The following STXBP5L variants were observed in gnomAD, a reference collection of about 807,000 sequenced individuals.
The protein encoded by STXBP5L is syntaxin binding protein 5L.
A neutral mutation model predicts 144.5 loss-of-function variants in STXBP5L; 65 were observed. That is an observed-to-expected ratio of 0.45 (90% CI 0.37 to 0.55). The LOEUF (loss-of-function observed/expected upper bound fraction) is 0.55. Ranked by LOEUF, STXBP5L falls within the 20% of genes least tolerant of loss-of-function variation. The pLI is 0.00. For missense variants in STXBP5L, 1,298 were observed against 1,405.5 expected (o/e 0.92, Z 1.22); for synonymous variants, 505 against 469.6 (o/e 1.08, Z -0.97).
chr3:121,015,851 A>T (rs1945108526), intron 3 of STXBP5L, among the ~76,000 whole-genome samples: 1 of 152,172 alleles, frequency 6.6e-6, no homozygotes, highest in South Asian at 2.1e-4. Context: ...TTACAACTGG[A>T]GAAACACTTG....
At chr3:121,191,966 G>A (rs752031769) in intron 9 of STXBP5L, among the ~76,000 whole-genome samples, 32 of 152,066 alleles carry the variant, frequency 2.1e-4, no homozygotes, top group Non-Finnish European at 3.7e-4. Flanking sequence ...GATGGGGGGA[G>A]GGATAGCATT....
At chr3:121,159,377 A>G (rs1374870220) in intron 9 of STXBP5L, among the ~76,000 whole-genome samples, 1 of 151,978 alleles carries the variant, frequency 6.6e-6, no homozygotes, top group Non-Finnish European at 1.5e-5. Context: ...TATGTTGCCC[A>G]GGCTGGTCCT....
At chr3:121,382,810 A>G (rs995184312) in intron 22 of STXBP5L, among the ~76,000 whole-genome samples, 5 of 152,170 alleles carry the variant, frequency 3.3e-5, no homozygotes, top group African/African-American at 1.2e-4. Flanking sequence ...TAGCACATAT[A>G]CTTAGACCAA....
At chr3:121,209,516 T>C (rs1244197346) in intron 10 of STXBP5L, among the ~76,000 whole-genome samples, 4 of 152,178 alleles carry the variant, frequency 2.6e-5, no homozygotes, top group Admixed American at 1.3e-4. Flanking sequence ...ATGTGCCATG[T>C]TGGTGTGCTG....
chr3:121,079,668 A>G (rs769467154), intron 5 of STXBP5L, among the ~76,000 whole-genome samples: 3 of 152,072 alleles, frequency 2.0e-5, no homozygotes, highest in Non-Finnish European at 4.4e-5. Context: ...TTCCAGTTTT[A>G]TTGCATTGTG....
intron 20 of STXBP5L, among the ~76,000 whole-genome samples, chr3:121,354,743 G>A (rs1400391482): frequency 3.9e-5 from 6 of 152,144 alleles, no homozygotes; most frequent in Non-Finnish European, 7.4e-5. Flanking sequence ...TATGATGTTA[G>A]CTGGTTATTT....
chr3:120,931,466 T>C (rs902517279), intron 2 of STXBP5L, among the ~76,000 whole-genome samples: 2 of 152,170 alleles, frequency 1.3e-5, no homozygotes, highest in Non-Finnish European at 2.9e-5. Context: ...TGATGTTGGT[T>C]TTCTGTGAAA....
intron 7 of STXBP5L, among the ~76,000 whole-genome samples, chr3:121,125,423 A>T (rs1412708037): frequency 6.6e-6 from 1 of 152,100 alleles, no homozygotes; most frequent in African/African-American, 2.4e-5. Flanking sequence ...GTGAGCTGAC[A>T]TTATGCCACT....
intron 5 of STXBP5L, among the ~76,000 whole-genome samples, chr3:121,082,246 G>T (rs1224465685): frequency 2.0e-5 from 3 of 152,006 alleles, no homozygotes; most frequent in Non-Finnish European, 4.4e-5. Flanking sequence ...TCCAATTCAT[G>T]AACATAGTAT....
intron 12 of STXBP5L, 99 bp from the exon 13 acceptor site, chr3:121,238,852 TTAAAAAACAAGCAAAATTTA>T: frequency 9.5e-7 from 1 of 1,051,422 alleles, no homozygotes; most frequent in Non-Finnish European, 1.3e-6. Context: ...TTTATGGTAC[TTAAAAAACAAGCAAAATTTA>T]TAGTGATGTT....
chr3:121,230,743 T>C (rs2049280607), intron 11 of STXBP5L, among the ~76,000 whole-genome samples: 2 of 152,190 alleles, frequency 1.3e-5, no homozygotes, highest in Admixed American at 6.5e-5. Flanking sequence ...TTTAGCCATA[T>C]GTCAGGCATA....
At chr3:121,353,614 T>A (rs1042216032) in intron 20 of STXBP5L, among the ~76,000 whole-genome samples, 5 of 152,194 alleles carry the variant, frequency 3.3e-5, no homozygotes, top group Non-Finnish European at 5.9e-5. Context: ...TCAATTTTGT[T>A]GATCTTTTCA....
At chr3:120,946,582 A>G (rs550386315) in intron 2 of STXBP5L, among the ~76,000 whole-genome samples, 5 of 151,812 alleles carry the variant, frequency 3.3e-5, no homozygotes, top group African/African-American at 1.2e-4. Flanking sequence ...AAATGCAGAC[A>G]TTGGGGAACA....
chr3:121,171,505 A>G (rs1213568036), intron 9 of STXBP5L, among the ~76,000 whole-genome samples: 1 of 152,232 alleles, frequency 6.6e-6, no homozygotes, highest in African/African-American at 2.4e-5. Flanking sequence ...CAACTTAAGC[A>G]AAGTCTCAGA....
At chr3:121,206,819 G>C (rs1436343995) in intron 10 of STXBP5L, among the ~76,000 whole-genome samples, 1 of 150,982 alleles carries the variant, frequency 6.6e-6, no homozygotes, top group Admixed American at 6.6e-5. Flanking sequence ...GTCTCAAAAA[G>C]AAAAAAAAGT....
chr3:120,961,381 A>C (rs1425777857), intron 3 of STXBP5L, among the ~76,000 whole-genome samples: 1 of 151,706 alleles, frequency 6.6e-6, no homozygotes, highest in Non-Finnish European at 1.5e-5. Flanking sequence ...CCATCAACTC[A>C]TCATTTACAT....
At chr3:120,979,451 A>C (rs1043991596) in intron 3 of STXBP5L, among the ~76,000 whole-genome samples, 3 of 151,872 alleles carry the variant, frequency 2.0e-5, no homozygotes, top group African/African-American at 7.3e-5. Flanking sequence ...GCCGTCTGTC[A>C]CCCCTTTCTT....
Position 121,030,203 on chromosome 3 carries a change from A to G in STXBP5L, c.288-11497A>G, listed in dbSNP as rs1024544298. ...GTGTATACCCAAAGGATTATAAATCATGCTGCTATAAAGACACATGCACAC... is the reference window on the plus strand; with the variant it reads ...GTGTATACCCAAAGGATTATAAATCGTGCTGCTATAAAGACACATGCACAC... On this transcript the variant is annotated intron_variant, in intron 3 of 26. Coordinates refer to ENST00000471454, the MANE Select transcript of STXBP5L (RefSeq NM_001308330.2). Among the ~76,000 whole-genome samples the G allele has an allele frequency of 3.3e-4, 50 of 152,218 alleles. 1 individual carries two copies. Among genetic ancestry groups the G allele is most frequent in the Non-Finnish European group, 1.2e-4 (8 of 68,042 alleles).
At chr3:121,087,717 G>A (rs1267148252) in intron 5 of STXBP5L, among the ~76,000 whole-genome samples, 1 of 151,384 alleles carries the variant, frequency 6.6e-6, no homozygotes, top group Non-Finnish European at 1.5e-5. Context: ...TTGTTTTTTG[G>A]TTGTTCTATT....
Sources: gnomAD v4.1 joint callset for allele counts (sites outside exome capture counted in the v4.1 genomes callset) on GRCh38, gnomAD v4.1.1 for gene constraint, MANE v1.5 for transcripts, NCBI Gene and HGNC (gene_info 2026-07-23, HGNC 2026-07-21) for gene names.